Variants in GJD4 observed in about 807,000 individuals in gnomAD.
GJD4 encodes the protein gap junction protein delta 4, also known as gap junction delta-4 protein.
In GJD4, 18 loss-of-function variants were observed where a neutral mutation model predicts 17.9. The ratio of observed to expected loss-of-function variants is 1.00; its 90% confidence interval spans 0.69 to 1.49. The LOEUF is 1.49. Ranked by LOEUF, GJD4 falls within the 40% of genes most tolerant of loss-of-function variation. The probability of loss-of-function intolerance (pLI) is 0.00; values close to 1 mark genes in which losing one functional copy is unlikely to be tolerated. For synonymous variants in GJD4, 293 were observed against 236.8 expected, an observed-to-expected ratio of 1.24 and a Z score of -2.18; for missense variants, 639 against 506.9, an observed-to-expected ratio of 1.26 and a Z score of -2.50.
chr10:35,608,019 C>T lies in GJD4; in HGVS notation c.506C>T (p.Ala169Val). Residue 169 changes from alanine (A) to valine (V), a missense_variant, in exon 2 of 2, where the codon GCC becomes GTC. Ala to Val is a moderately conservative substitution (Grantham distance 64). Coordinates refer to ENST00000321660, the MANE Select transcript of GJD4 (RefSeq NM_153368.3). ...CACTACTTTCTCTTTGGATTCCTGG[C>T]CCCGAAGAAGTTCCCTTGCACGCGC... is the stretch of plus-strand genomic sequence containing the variant. ...ALHYFLFGFLAPKKFPCTRPP... is the reference protein window; with the variant it reads ...ALHYFLFGFLVPKKFPCTRPP... 5.0e-6 allele frequency: 8 copies of T among 1,611,486 alleles called. No individual in the cohort carries two copies. Among genetic ancestry groups the T allele is most frequent in the Non-Finnish European group, 6.8e-6 (8 of 1,179,282 alleles).
chr10:35,608,056 G>A lies in GJD4; in HGVS notation c.543G>A (p.Thr181=), dbSNP rs774905110. The A allele has an allele frequency of 1.2e-6, 2 of 1,609,820 alleles. No homozygotes were observed. Among genetic ancestry groups the A allele is most frequent in the East Asian group, 2.2e-5 (1 of 44,746 alleles). Reference sequence around the variant, plus strand: ...TCCCTTGCACGCGCCCTCCGTGCACGGGCGTGGTGGACTGCTACGTGTCGC... The same window carrying A: ...TCCCTTGCACGCGCCCTCCGTGCACAGGCGTGGTGGACTGCTACGTGTCGC... ...KKFPCTRPPC[T]GVVDCYVSRP... Residue 181 remains threonine (T), a synonymous_variant, in exon 2 of 2, where the codon ACG becomes ACA. Transcript: ENST00000321660.
rs778845656 is a variant in GJD4 at position 35,607,959 on chromosome 10, T to C, written c.446T>C (p.Leu149Pro). 12 of 1,610,942 alleles carry C rather than the reference T, an allele frequency of 7.4e-6. 1 individual carries two copies. In the South Asian group the frequency reaches 1.3e-4, roughly 18 times the overall value. ...GCCGGCTACATCATCCACCTCCTCC[T>C]CCGGACCCTGCTGGAGGCAGCCTTC... ...FSAGYIIHLL[L>P]RTLLEAAFGA... Residue 149 changes from leucine to proline, a missense_variant, in exon 2 of 2, where the codon CTC (leucine) becomes CCC (proline). Coordinates refer to ENST00000321660, the MANE Select transcript of GJD4 (RefSeq NM_153368.3).
rs1013427310 is a variant in GJD4, at chr10:35,608,446, G to A, written c.933G>A (p.Arg311=). ...GCGAAAAGCTGGGCAGACAGCCCCG[G>A]GGCAGGCCCCACCGAGAGGCCGCCC... ...SASEKLGRQP[R]GRPHREAAQD... Residue 311 remains arginine, a synonymous_variant, in exon 2 of 2, where the codon CGG becomes CGA. Coordinates refer to ENST00000321660, the MANE Select transcript of GJD4 (RefSeq NM_153368.3). 6.5e-7 allele frequency: 1 copy of A among 1,548,102 alleles called. No individual in the cohort carries two copies. Among genetic ancestry groups the A allele is most frequent in the Non-Finnish European group, 8.7e-7 (1 of 1,146,666 alleles).
At position 35,608,912 on chromosome 10, in the gene GJD4, T is replaced by C; in HGVS notation, c.*286T>C. On this transcript the variant is annotated 3_prime_UTR_variant, in exon 2 of 2. Transcript: ENST00000321660. ...AAGATCACGGCACTGCGCTGCAGCC[T>C]GGGCAACACAGTGAGACCCTGTCAA... is the stretch of plus-strand genomic sequence containing the variant. 1 of 218,984 alleles carries C rather than the reference T, an allele frequency of 4.6e-6. No individual in the cohort carries two copies. 13.6% of individuals were successfully genotyped at this position (218,984 alleles called of 1,614,324 possible). A position where few individuals can be genotyped will look rare whatever the true frequency, so the allele number is the denominator to read the frequency against.
rs757164848 is a variant in GJD4 at position 35,605,527 on chromosome 10, C to CA, written c.-40dup. The CA allele has an allele frequency of 3.9e-6, 6 of 1,527,018 alleles. No homozygotes were observed. The highest frequency in any genetic ancestry group is 1.8e-6 in the Non-Finnish European group (2 of 1,100,626). The allele number at this position is 1,527,018 out of a possible 1,614,324, so 94.6% of individuals were successfully genotyped here. On this transcript the variant is annotated 5_prime_UTR_variant, in exon 1 of 2. Coordinates refer to ENST00000321660, the MANE Select transcript of GJD4 (RefSeq NM_153368.3). ...CGCCTCCTTGGAGAACACAGCCCTC[C>CA]AGTGTCTCCTGCAGCCTGGAGCCTG...
exon 2 of GJD4, chr10:35,608,934 TCAAA>T: frequency 2.9e-5 from 2 of 69,190 alleles, no homozygotes; most frequent in East Asian, 2.5e-4. Flanking sequence ...TGAGACCCTG[TCAAA>T]AAAAAAAAAA....
At position 35,608,335 on chromosome 10, in the gene GJD4, G is replaced by A; in HGVS notation, c.822G>A (p.Gly274=). ...APPGARAGGE[G]AGSPRRTSRV... ...CGGGTGCACGCGCCGGAGGGGAGGG[G>A]GCTGGCAGCCCCAGGCGTACATCCA... Residue 274 remains glycine, a synonymous_variant, in exon 2 of 2, where the codon GGG becomes GGA. Coordinates refer to ENST00000321660, the MANE Select transcript of GJD4 (RefSeq NM_153368.3). 1 of 1,550,066 alleles carries A rather than the reference G, an allele frequency of 6.5e-7. No homozygotes were observed. The highest frequency in any genetic ancestry group is 8.7e-7 in the Non-Finnish European group (1 of 1,148,234).
Position 35,607,682 on chromosome 10 carries a change from C to T in GJD4, c.169C>T (p.Leu57=). The T allele has an allele frequency of 6.2e-7, 1 of 1,614,166 alleles. No individual in the cohort carries two copies. Among genetic ancestry groups the T allele is most frequent in the South Asian group, 1.1e-5 (1 of 91,086 alleles). Residue 57 remains leucine, a synonymous_variant, in exon 2 of 2, where the codon CTG becomes TTG. Coordinates refer to ENST00000321660, the MANE Select transcript of GJD4 (RefSeq NM_153368.3). ...GCAGGAGAGGTTTGTCTGCAACACG[C>T]TGCAGCCGGGATGCGCCAATGTTTG... ...DEQERFVCNT[L]QPGCANVCYD... is the part of the protein sequence containing the mutation.
rs1372813375 is a variant in GJD4 at position 35,608,309 on chromosome 10, C to T, written c.796C>T (p.Pro266Ser). The T allele has an allele frequency of 6.5e-7, 1 of 1,548,382 alleles. No homozygotes were observed. The highest frequency in any genetic ancestry group is 8.7e-7 in the Non-Finnish European group (1 of 1,148,676). ...GGAGGAAGAGGGGGCACCGGCGCCC[C>T]CGGGTGCACGCGCCGGAGGGGAGGG... ...GREEEGAPAP[P>S]GARAGGEGAG... is the part of the protein sequence containing the mutation. The change falls in exon 2 of 2, where the codon CCG (proline) becomes TCG (serine). Residue 266 changes from proline (P) to serine (S), a missense_variant. Physicochemically the swap from Pro to Ser is moderately conservative, Grantham distance 74. Transcript: ENST00000321660.
Position 35,605,872 on chromosome 10 carries a change from T to C in GJD4, c.64+241T>C, listed in dbSNP as rs1051312873. The C allele has an allele frequency of 4.8e-5, 26 of 539,916 alleles. 1 individual carries two copies. Among genetic ancestry groups the C allele is most frequent in the African/African-American group, 4.2e-4 (22 of 52,668 alleles). 33.4% of individuals were successfully genotyped at this position (539,916 alleles called of 1,614,324 possible). A position where few individuals can be genotyped will look rare whatever the true frequency, so the allele number is the denominator to read the frequency against. On this transcript the variant is annotated intron_variant, in intron 1 of 1. Transcript: ENST00000321660. ...ATGTAAGGGAGTCTTGCGTTTGACA[T>C]TGTTCTCTCACAGATCATCCTGTGC...
intron 1 of GJD4, chr10:35,606,843 A>C (rs1835462561): frequency 6.6e-6 from 1 of 152,170 alleles, no homozygotes; most frequent in South Asian, 2.1e-4. Context: ...ATTCATTCCT[A>C]ATAACTGGAA....
intron 1 of GJD4, chr10:35,607,350 C>T: frequency 1.8e-6 from 1 of 564,676 alleles, no homozygotes; most frequent in Non-Finnish European, 3.2e-6. Flanking sequence ...ACTCAAGAGG[C>T]CAAGGCGGCA....
Position 35,608,121 on chromosome 10 carries a change from C to T in GJD4, c.608C>T (p.Ala203Val), listed in dbSNP as rs778114104. ...EKSLLMLFLW[A>V]VSALSFLLGL... ...TCCCTGCTGATGCTGTTCCTCTGGG[C>T]GGTCAGCGCGCTGTCTTTTCTGCTG... The change falls in exon 2 of 2, where the codon GCG becomes GTG. Residue 203 changes from alanine to valine, a missense_variant. Transcript: ENST00000321660. The T allele has an allele frequency of 3.7e-6, 6 of 1,609,388 alleles. No homozygotes were observed. In the Admixed American group the frequency reaches 8.4e-5, roughly 22 times the overall value.
At chr10:35,607,358 G>C (rs1588697306) in intron 1 of GJD4, 1 of 572,448 alleles carries the variant, frequency 1.7e-6, no homozygotes, top group Non-Finnish European at 3.1e-6. Context: ...GGCCAAGGCG[G>C]CAGGAGCACT....
Position 35,608,157 on chromosome 10 carries a change from A to G in GJD4, c.644A>G (p.Asp215Gly), listed in dbSNP as rs1279964464. 2 of 1,605,044 alleles carry G rather than the reference A, an allele frequency of 1.2e-6. No individual in the cohort carries two copies. The highest frequency in any genetic ancestry group is 1.7e-6 in the Non-Finnish European group (2 of 1,177,880). The change falls in exon 2 of 2, where the codon GAC becomes GGC. Residue 215 changes from aspartate (D) to glycine (G), a missense_variant. Transcript: ENST00000321660. ...SALSFLLGLA[D>G]LVCSLRRRMR... ...CTGTCTTTTCTGCTGGGCCTCGCCG[A>G]CCTGGTCTGCAGCCTGCGGCGGCGG... is the stretch of plus-strand genomic sequence containing the variant.
rs1292926097 is a variant in GJD4, at chr10:35,607,823, G to A, written c.310G>A (p.Ala104Thr). Residue 104 changes from alanine (A) to threonine (T), a missense_variant, in exon 2 of 2, where the codon GCC (alanine) becomes ACC (threonine). Physicochemically the swap from Ala to Thr is moderately conservative, Grantham distance 58. Coordinates refer to ENST00000321660, the MANE Select transcript of GJD4 (RefSeq NM_153368.3). ...VYVLHRGATL[A>T]ALGPRRCPDP... ...TGTCCTGCACCGAGGAGCCACGCTC[G>A]CCGCGCTGGGCCCCCGCCGCTGCCC... 1.3e-6 allele frequency: 2 copies of A among 1,598,620 alleles called. No individual in the cohort carries two copies. The highest frequency in any genetic ancestry group is 1.7e-6 in the Non-Finnish European group (2 of 1,178,952).
rs1329876204 is a variant in GJD4 at position 35,608,233 on chromosome 10, C to A, written c.720C>A (p.Ser240Arg). The A allele has an allele frequency of 3.2e-6, 5 of 1,584,690 alleles. No homozygotes were observed. The Admixed American group carries it at 7.0e-5, about 22-fold the overall frequency. Residue 240 changes from serine (S) to arginine (R), a missense_variant, in exon 2 of 2, where the codon AGC becomes AGA. Transcript: ENST00000321660. ...CAAGCCCCTCCATCCGGAAGCAGAG[C>A]GGAGCCTCAGGCCACGCGGAGGGAC... is the stretch of plus-strand genomic sequence containing the variant. ...PPTSPSIRKQ[S>R]GASGHAEGRR...
Position 35,608,806 on chromosome 10 carries a change from C to T in GJD4, c.*180C>T, listed in dbSNP as rs1835499624. The T allele has an allele frequency of 5.8e-6, 3 of 517,592 alleles. No individual in the cohort carries two copies. The Admixed American group carries it at 1.1e-4, about 20-fold the overall frequency. The allele number at this position is 517,592 out of a possible 1,614,324, so 32.1% of individuals were successfully genotyped here. On this transcript the variant is annotated 3_prime_UTR_variant, in exon 2 of 2. Coordinates refer to ENST00000321660, the MANE Select transcript of GJD4 (RefSeq NM_153368.3). ...TCTAAAAATTAGCTGGGCACAGTGG[C>T]TCCCTCCTGTAGTCCCAGCTACTTG...
In GJD4 at chr10:35,607,842, G is replaced by C. The variant is rs1193854854; in HGVS notation, c.329G>C (p.Arg110Pro). Residue 110 changes from arginine to proline, a missense_variant, in exon 2 of 2, where the codon CGC becomes CCC. Physicochemically the swap from Arg to Pro is moderately radical, Grantham distance 103. Coordinates refer to ENST00000321660, the MANE Select transcript of GJD4 (RefSeq NM_153368.3). ...GATLAALGPR[R>P]CPDPREPASG... ...ACGCTCGCCGCGCTGGGCCCCCGCC[G>C]CTGCCCCGACCCCCGGGAGCCGGCC... The C allele has an allele frequency of 1.9e-6, 3 of 1,599,902 alleles. No homozygotes were observed. Among genetic ancestry groups the C allele is most frequent in the East Asian group, 2.2e-5 (1 of 44,764 alleles).
Sources: gnomAD v4.1 joint callset for allele counts on GRCh38, gnomAD v4.1.1 for gene constraint, MANE v1.5 for transcripts, NCBI Gene and HGNC (gene_info 2026-07-23, HGNC 2026-07-21) for gene names.